The following MCTP1 variants were observed in gnomAD, a reference collection of about 807,000 sequenced individuals.
The protein encoded by MCTP1 is multiple C2 and transmembrane domain-containing protein 1.
MCTP1 carries 69 observed loss-of-function variants against 120.6 expected under a neutral mutation model. That is an observed-to-expected ratio of 0.57 (90% CI 0.47 to 0.70). The LOEUF (loss-of-function observed/expected upper bound fraction) is 0.70. Among genes scored for constraint, MCTP1 ranks in the 30% least tolerant of loss-of-function variants. The pLI is 0.00. For missense variants in MCTP1, 1,203 were observed against 1,248.8 expected, an observed-to-expected ratio of 0.96 and a Z score of 0.55; for synonymous variants, 529 against 493.1, an observed-to-expected ratio of 1.07 and a Z score of -0.96.
intron 2 of MCTP1, among the ~76,000 whole-genome samples, chr5:94,981,748 C>T (rs78745257): frequency 0.049 from 7,494 of 152,112 alleles, 633 homozygotes; most frequent in African/African-American, 0.17. Flanking sequence ...AAGGAGGTTT[C>T]CAGGCAGAGA....
At chr5:94,952,774 G>A (rs1037842278) in intron 3 of MCTP1, among the ~76,000 whole-genome samples, 1 of 151,774 alleles carries the variant, frequency 6.6e-6, no homozygotes, top group Non-Finnish European at 1.5e-5. Flanking sequence ...ATAGAGATAG[G>A]AATTTTTCTC....
chr5:95,006,104 A>C (rs1834690206), intron 2 of MCTP1, among the ~76,000 whole-genome samples: 1 of 152,114 alleles, frequency 6.6e-6, no homozygotes. Flanking sequence ...AGAATGTGCA[A>C]ACTCCACACA....
intron 18 of MCTP1, among the ~76,000 whole-genome samples, chr5:94,784,149 A>C (rs920711583): frequency 6.6e-6 from 1 of 152,082 alleles, no homozygotes; most frequent in Non-Finnish European, 1.5e-5. Flanking sequence ...GATCATCCAA[A>C]CTTGTACAGA....
rs540576441 is a variant in MCTP1 at position 95,074,031 on chromosome 5, G to A, written c.721-56547C>T. ...CTCAGGAGGCTGAGGCAGAAGAATC[G>A]CTTGAACCTGGGAGGTGGAGGTTGC... On this transcript the variant is annotated intron_variant, in intron 1 of 22. Coordinates refer to ENST00000515393, the MANE Select transcript of MCTP1 (RefSeq NM_024717.7). Among the ~76,000 whole-genome samples the A allele has an allele frequency of 4.6e-5, 7 of 152,246 alleles. No individual in the cohort carries two copies. In the East Asian group the frequency reaches 5.8e-4, roughly 13 times the overall value.
At position 95,284,044 on chromosome 5, in the gene MCTP1, G is replaced by T. The variant is rs986510943; in HGVS notation, c.532C>A (p.Arg178Ser). The T allele has an allele frequency of 7.2e-6, 11 of 1,521,970 alleles. No individual in the cohort carries two copies. Among genetic ancestry groups the T allele is most frequent in the African/African-American group, 1.4e-5 (1 of 70,324 alleles). The allele number at this position is 1,521,970 out of a possible 1,614,324, so 94.3% of individuals were successfully genotyped here. The change falls in exon 1 of 23, where the codon CGC becomes AGC. Residue 178 changes from arginine to serine, a missense_variant. By Grantham distance (110) the Arg-to-Ser change is moderately radical (BLOSUM62 -1). Around this residue, in one of 2 missense-constraint regions of MCTP1, gnomAD observed 463 missense variants for 377.8 expected, o/e 1.23. Transcript: ENST00000515393. The surrounding 1 kb of genome is among the most constrained non-coding windows in gnomAD (Gnocchi z 5.2). ...CGCCGTGCACCCTCATCTCGGGCGCGGTCCCCCCTCGGGGGAGGCTGGGGC... is the reference window on the plus strand; with the variant it reads ...CGCCGTGCACCCTCATCTCGGGCGCTGTCCCCCCTCGGGGGAGGCTGGGGC... Reference protein sequence around the residue: ...SSPQPPPRGDRARDEGARRQG... With the variant: ...SSPQPPPRGDSARDEGARRQG...
At chr5:94,873,385 C>T in intron 12 of MCTP1, 144 bp from the exon 13 acceptor site, 1 of 509,258 alleles carries the variant, frequency 2.0e-6, no homozygotes, top group South Asian at 3.6e-5. Flanking sequence ...AAAAAGAAAC[C>T]ACCATCAAAA....
intron 12 of MCTP1, among the ~76,000 whole-genome samples, chr5:94,879,824 C>T (rs1409582321): frequency 2.0e-5 from 3 of 152,090 alleles, no homozygotes; most frequent in African/African-American, 7.2e-5. Context: ...TCCTGAACCA[C>T]ACCCTGAGAC....
chr5:95,273,573 TTTTA>T (rs140896574), intron 1 of MCTP1, among the ~76,000 whole-genome samples: 1,879 of 152,332 alleles, frequency 0.012, 23 homozygotes, highest in South Asian at 0.035. Context: ...AACTAACATG[TTTTA>T]TTTACCCTTT....
chr5:95,232,535 T>C (rs1336678270), intron 1 of MCTP1, among the ~76,000 whole-genome samples: 2 of 151,056 alleles, frequency 1.3e-5, no homozygotes, highest in African/African-American at 2.4e-5. Flanking sequence ...CTTGGCTCAC[T>C]GCAAGCTCCG....
chr5:94,755,837 A>C (rs879755894), intron 19 of MCTP1, among the ~76,000 whole-genome samples: 2 of 152,134 alleles, frequency 1.3e-5, no homozygotes, highest in Non-Finnish European at 2.9e-5. Flanking sequence ...TCAAATTTAA[A>C]AGTCTCTGCT....
Position 94,707,386 on chromosome 5 carries a change from A to AAAAAGGCAAAATAAAT in MCTP1, c.*94_*109dup, listed in dbSNP as rs1247197671. 4.9e-6 allele frequency: 4 copies of AAAAAGGCAAAATAAAT among 817,858 alleles called. No individual in the cohort carries two copies. The Admixed American group carries it at 7.3e-5, about 15-fold the overall frequency. 50.7% of individuals were successfully genotyped at this position (817,858 alleles called of 1,614,324 possible). ...ATTTACAGATTCTCTCGATCATGAT[A>AAAAAGGCAAAATAAAT]AAAAGGCAAAATAAATAAAAAGCAG... On this transcript the variant is annotated 3_prime_UTR_variant, in exon 23 of 23. Transcript: ENST00000515393.
chr5:94,993,270 A>G (rs1831964329), intron 2 of MCTP1, among the ~76,000 whole-genome samples: 1 of 152,204 alleles, frequency 6.6e-6, no homozygotes, highest in Non-Finnish European at 1.5e-5. Context: ...TTAGAGGGAT[A>G]AATTGATCAT....
chr5:95,122,969 G>T (rs143463284), intron 1 of MCTP1, among the ~76,000 whole-genome samples: 2 of 152,324 alleles, frequency 1.3e-5, no homozygotes, highest in African/African-American at 4.8e-5. Flanking sequence ...GCGGTTACCA[G>T]AGGCTGGGAA....
At chr5:94,941,532 T>C (rs946208076) in intron 4 of MCTP1, among the ~76,000 whole-genome samples, 1 of 152,022 alleles carries the variant, frequency 6.6e-6, no homozygotes, top group Non-Finnish European at 1.5e-5. Flanking sequence ...ATCTGGCTCA[T>C]TACTCTGCTT....
intron 1 of MCTP1, among the ~76,000 whole-genome samples, chr5:95,045,524 TAGAG>T (rs1167181071): frequency 1.3e-5 from 2 of 152,142 alleles, no homozygotes; most frequent in Non-Finnish European, 2.9e-5. Context: ...GCCTACGGCT[TAGAG>T]AGACGAAAAC....
At chr5:95,006,013 C>A (rs1175594747) in intron 2 of MCTP1, among the ~76,000 whole-genome samples, 3 of 152,084 alleles carry the variant, frequency 2.0e-5, no homozygotes, top group African/African-American at 7.2e-5. Flanking sequence ...AAGACTGAGA[C>A]AAGTTTCATT....
At chr5:95,019,546 G>C (rs1241249078) in intron 1 of MCTP1, among the ~76,000 whole-genome samples, 2 of 151,676 alleles carry the variant, frequency 1.3e-5, no homozygotes, top group African/African-American at 2.4e-5. Context: ...TAGTTTCTTT[G>C]TTTGCCACAG....
rs192192320 is a variant in MCTP1 at position 94,796,511 on chromosome 5, G to A, written c.2556+2502C>T. ...CGCTATGCAGGAGAGTCAATGCATC[G>A]CAGCATGGCAACCCCTACAAACACT... On this transcript the variant is annotated intron_variant, in intron 18 of 22. Coordinates refer to ENST00000515393, the MANE Select transcript of MCTP1 (RefSeq NM_024717.7). 2.5e-3 allele frequency among the ~76,000 whole-genome samples: 370 copies of A among 148,768 alleles called. 1 individual carries two copies. The highest frequency in any genetic ancestry group is 8.5e-3 in the African/African-American group (346 of 40,472).
At chr5:94,962,426 A>G (rs1041077418) in intron 2 of MCTP1, among the ~76,000 whole-genome samples, 1 of 150,300 alleles carries the variant, frequency 6.7e-6, no homozygotes, top group Non-Finnish European at 1.5e-5. Flanking sequence ...TGGATAAAGA[A>G]ATTGATATAT....
Sources: allele counts gnomAD v4.1 joint callset (sites outside exome capture counted in the v4.1 genomes callset), GRCh38; gene constraint gnomAD v4.1.1; regional missense constraint gnomAD v4.1.1; non-coding constraint Gnocchi (gnomAD v3.1); transcripts MANE v1.5; gene names NCBI Gene and HGNC (gene_info 2026-07-23, HGNC 2026-07-21).